The following PILRA variants were observed in gnomAD, a reference collection of about 807,000 sequenced individuals.
The protein encoded by PILRA is paired immunoglobin like type 2 receptor alpha.
In PILRA, 37 loss-of-function variants were observed where a neutral mutation model predicts 33.1. The ratio of observed to expected loss-of-function variants is 1.12; its 90% confidence interval spans 0.86 to 1.47. The LOEUF (loss-of-function observed/expected upper bound fraction) is 1.47, where lower values mean the gene tolerates loss of function less well. Ranked by LOEUF, PILRA falls within the 40% of genes most tolerant of loss-of-function variation. The probability of loss-of-function intolerance (pLI) is 0.00; values close to 1 mark genes in which losing one functional copy is unlikely to be tolerated. For missense variants in PILRA, 312 were observed against 376.2 expected (o/e 0.83, Z 1.41); for synonymous variants, 146 against 149.9 (o/e 0.97, Z 0.19).
At chr7:100,386,714 G>A (rs1005640178) in intron 2 of PILRA, among the ~76,000 whole-genome samples, 1 of 151,434 alleles carries the variant, frequency 6.6e-6, no homozygotes, top group African/African-American at 2.4e-5. Context: ...ACCAGGGGGA[G>A]CGGGGGTCTC....
rs758851505 is a variant in PILRA, at chr7:100,373,687, C to T, written c.31C>T (p.Pro11Ser). The change falls in exon 1 of 7, where the codon CCC becomes TCC. Residue 11 changes from proline to serine, a missense_variant. Pro to Ser is a moderately conservative substitution (Grantham distance 74). Transcript: ENST00000198536. Reference sequence around the variant, plus strand: ...TCGGCCCCTGCTGCTGCCCCTACTGCCCTTGCTGCTGCCGCCAGCATTTCT... The same window carrying T: ...TCGGCCCCTGCTGCTGCCCCTACTGTCCTTGCTGCTGCCGCCAGCATTTCT... MGRPLLLPLLPLLLPPAFLQP... is the reference protein window; with the variant it reads MGRPLLLPLLSLLLPPAFLQP... 4 of 1,613,036 alleles carry T rather than the reference C, an allele frequency of 2.5e-6. No individual in the cohort carries two copies. The highest frequency in any genetic ancestry group is 2.7e-5 in the African/African-American group (2 of 74,906).
At chr7:100,394,878 G>C (rs1419788437) in intron 3 of PILRA, among the ~76,000 whole-genome samples, 2 of 152,100 alleles carry the variant, frequency 1.3e-5, no homozygotes, top group Non-Finnish European at 2.9e-5. Flanking sequence ...CCAAACCATA[G>C]GGAAAAAGCC....
intron 3 of PILRA, among the ~76,000 whole-genome samples, chr7:100,394,989 G>A (rs181683581): frequency 1.3e-5 from 2 of 152,210 alleles, no homozygotes; most frequent in African/African-American, 2.4e-5. Flanking sequence ...ACTTAAACAT[G>A]TTTTTTCATT....
chr7:100,385,405 A>G (rs935376276), intron 2 of PILRA, among the ~76,000 whole-genome samples: 1 of 152,194 alleles, frequency 6.6e-6, no homozygotes, highest in African/African-American at 2.4e-5. Flanking sequence ...ATACTTACAC[A>G]TAATTTAAAA....
chr7:100,386,772 G>A (rs1163064778), intron 2 of PILRA, among the ~76,000 whole-genome samples: 18 of 151,006 alleles, frequency 1.2e-4, no homozygotes, highest in Admixed American at 1.2e-3. Flanking sequence ...CAAGTGATCT[G>A]CCCACCTCGG....
chr7:100,391,373 T>TA (rs1183204193), intron 3 of PILRA, among the ~76,000 whole-genome samples: 3 of 151,546 alleles, frequency 2.0e-5, no homozygotes, highest in Non-Finnish European at 4.4e-5. Context: ...AAAAATAATT[T>TA]AAAAAAAATT....
chr7:100,382,007 A>ACCCCCACCCCC (rs1791113822), intron 2 of PILRA, among the ~76,000 whole-genome samples: 1 of 101,280 alleles, frequency 9.9e-6, no homozygotes, highest in African/African-American at 3.7e-5. Flanking sequence ...CCCCACCCCC[A>ACCCCCACCCCC]CCCCCACCCC....
chr7:100,375,865 C>T (rs1232451889), intron 2 of PILRA, among the ~76,000 whole-genome samples: 1 of 152,232 alleles, frequency 6.6e-6, no homozygotes, highest in Non-Finnish European at 1.5e-5. Context: ...ACTTTTGAAC[C>T]TAGTGATGGG....
intron 6 of PILRA, 70 bp from the exon 7 acceptor site, chr7:100,399,715 A>G: frequency 6.2e-7 from 1 of 1,612,014 alleles, no homozygotes; most frequent in East Asian, 2.2e-5. Flanking sequence ...GTCAAACTGT[A>G]GGCTTGCCGC....
At chr7:100,388,137 CAT>C (rs756785557) in intron 2 of PILRA, among the ~76,000 whole-genome samples, 24 of 152,124 alleles carry the variant, frequency 1.6e-4, no homozygotes, top group Non-Finnish European at 3.4e-4. Context: ...TGTTATTATA[CAT>C]GTTTTCCTTT....
chr7:100,383,962 T>C (rs753236642), intron 2 of PILRA, among the ~76,000 whole-genome samples: 4 of 152,134 alleles, frequency 2.6e-5, no homozygotes, highest in Non-Finnish European at 5.9e-5. Context: ...AAAGCATCCC[T>C]CTCGCTATGG....
chr7:100,386,914 G>A (rs1791266794), intron 2 of PILRA, among the ~76,000 whole-genome samples: 1 of 151,558 alleles, frequency 6.6e-6, no homozygotes, highest in Admixed American at 6.6e-5. Context: ...GATTCAAATT[G>A]CATAGTTTTC....
intron 2 of PILRA, among the ~76,000 whole-genome samples, chr7:100,377,167 T>C (rs2130165855): frequency 6.6e-6 from 1 of 152,196 alleles, no homozygotes; most frequent in Non-Finnish European, 1.5e-5. Flanking sequence ...TTATTAATGT[T>C]TTTTACATAA....
chr7:100,399,697 G>A, intron 6 of PILRA, 85 bp downstream of exon 6: 1 of 1,610,924 alleles, frequency 6.2e-7, no homozygotes, highest in South Asian at 1.1e-5. Flanking sequence ...TGTGGTGTGG[G>A]CAGGAGAGTC....
intron 2 of PILRA, among the ~76,000 whole-genome samples, chr7:100,387,495 T>C (rs1482029909): frequency 6.6e-6 from 1 of 152,184 alleles, no homozygotes; most frequent in African/African-American, 2.4e-5. Flanking sequence ...ATTACAGGCA[T>C]GAGCCACTGT....
At chr7:100,389,004 T>C (rs1250321633) in intron 2 of PILRA, among the ~76,000 whole-genome samples, 1 of 152,192 alleles carries the variant, frequency 6.6e-6, no homozygotes, top group East Asian at 1.9e-4. Context: ...TCCCATTTTA[T>C]GTCTCTCTTT....
chr7:100,397,305 T>C (rs1450474443), intron 3 of PILRA, among the ~76,000 whole-genome samples: 1 of 151,218 alleles, frequency 6.6e-6, no homozygotes, highest in Non-Finnish European at 1.5e-5. Flanking sequence ...ACTGCAAGGA[T>C]GCCACGGGGA....
intron 2 of PILRA, among the ~76,000 whole-genome samples, chr7:100,377,188 G>T (rs1179911958): frequency 7.6e-6 from 1 of 132,336 alleles, no homozygotes; most frequent in Non-Finnish European, 1.6e-5. Flanking sequence ...TTTTACTTTT[G>T]TAACCAAACC....
At chr7:100,385,298 C>T (rs923852009) in intron 2 of PILRA, among the ~76,000 whole-genome samples, 2 of 151,940 alleles carry the variant, frequency 1.3e-5, no homozygotes, top group African/African-American at 2.4e-5. Context: ...AATTATGTGC[C>T]GATTGTATCT....
Sources: allele counts gnomAD v4.1 joint callset (sites outside exome capture counted in the v4.1 genomes callset), GRCh38; gene constraint gnomAD v4.1.1; transcripts MANE v1.5; gene names NCBI Gene and HGNC (gene_info 2026-07-23, HGNC 2026-07-21).